Variants in CCSER1 observed in about 807,000 individuals in gnomAD.
CCSER1 encodes the protein serine-rich coiled-coil domain-containing protein 1.
Under a neutral mutation model 82.0 loss-of-function variants are expected in CCSER1, and 41 were observed. That is an observed-to-expected ratio of 0.50 (90% CI 0.39 to 0.65). CCSER1 has a LOEUF of 0.65. Among genes scored for constraint, CCSER1 ranks in the 30% least tolerant of loss-of-function variants. The probability of loss-of-function intolerance (pLI) is 0.00; values close to 1 mark genes in which losing one functional copy is unlikely to be tolerated. For missense variants in CCSER1, 1,119 were observed against 1,064.2 expected, an observed-to-expected ratio of 1.05 and a Z score of -0.72; for synonymous variants, 414 against 383.9, an observed-to-expected ratio of 1.08 and a Z score of -0.92.
chr4:91,452,318 T>C (rs781284794), intron 10 of CCSER1, among the ~76,000 whole-genome samples: 10 of 152,018 alleles, frequency 6.6e-5, no homozygotes, highest in Non-Finnish European at 1.5e-4. Flanking sequence ...GAAAACATTT[T>C]ACAAAATTTT....
intron 5 of CCSER1, among the ~76,000 whole-genome samples, chr4:90,609,744 A>G (rs1785203649): frequency 1.3e-5 from 2 of 152,226 alleles, no homozygotes; most frequent in Non-Finnish European, 2.9e-5. Context: ...AACATTTATG[A>G]ATAAGAGTAG....
chr4:90,508,222 G>A (rs1165653663), intron 5 of CCSER1, among the ~76,000 whole-genome samples: 2 of 152,046 alleles, frequency 1.3e-5, no homozygotes, highest in Non-Finnish European at 2.9e-5. Context: ...TATACAGTGA[G>A]TATAAGAATG....
chr4:91,496,616 A>AATATATATTTAATATATATATATATT (rs1279142591), intron 10 of CCSER1, among the ~76,000 whole-genome samples: 1 of 21,030 alleles, frequency 4.8e-5, no homozygotes, highest in Non-Finnish European at 9.8e-5. Context: ...ATATATATAC[A>AATATATATTTAATATATATATATATT]CGAATATATA....
At chr4:91,367,536 C>T (rs1197143215) in intron 10 of CCSER1, among the ~76,000 whole-genome samples, 2 of 151,152 alleles carry the variant, frequency 1.3e-5, no homozygotes, top group African/African-American at 4.9e-5. Flanking sequence ...TTTCTGGACT[C>T]TCTGGAATTC....
chr4:90,579,029 A>AAGTCAAG lies in CCSER1; in HGVS notation c.1725-48996_1725-48995insAGTCAAG, dbSNP rs60273839. ...TATGTTGTCTATTAAAAAAAGCTTG[A>AAGTCAAG]CTTTTTTTAATCAATAAAATAAATA... On this transcript the variant is annotated intron_variant, in intron 5 of 10. Coordinates refer to ENST00000509176, the MANE Select transcript of CCSER1 (RefSeq NM_001145065.2). Among the ~76,000 whole-genome samples the AAGTCAAG allele has an allele frequency of 2.0e-3, 304 of 151,228 alleles. 1 individual carries two copies. The highest frequency in any genetic ancestry group is 7.3e-3 in the African/African-American group (300 of 41,152).
At chr4:90,561,386 C>A (rs1778742871) in intron 5 of CCSER1, among the ~76,000 whole-genome samples, 1 of 152,158 alleles carries the variant, frequency 6.6e-6, no homozygotes, top group Non-Finnish European at 1.5e-5. Flanking sequence ...TTCGTGACAT[C>A]CCAAGTGTTA....
At position 90,290,738 on chromosome 4, in the gene CCSER1, C is replaced by T. The variant is rs187466062; in HGVS notation, c.-41-17506C>T. 3.3e-5 allele frequency among the ~76,000 whole-genome samples: 5 copies of T among 151,882 alleles called. No homozygotes were observed. In the East Asian group the frequency reaches 7.8e-4, roughly 24 times the overall value. ...CTGTGAACTATAGTGATTGGAAAGT[C>T]GCTTAAAACTTTTCTTGATTACCTA... is the stretch of plus-strand genomic sequence containing the variant. On this transcript the variant is annotated intron_variant, in intron 1 of 10. Coordinates refer to ENST00000509176, the MANE Select transcript of CCSER1 (RefSeq NM_001145065.2).
chr4:91,150,854 C>T (rs1342924437), intron 10 of CCSER1, among the ~76,000 whole-genome samples: 4 of 152,096 alleles, frequency 2.6e-5, no homozygotes, highest in Non-Finnish European at 5.9e-5. Context: ...TTTTGATGTG[C>T]CGCTGGATTT....
At chr4:91,029,100 A>T (rs894823579) in intron 9 of CCSER1, among the ~76,000 whole-genome samples, 9 of 152,056 alleles carry the variant, frequency 5.9e-5, no homozygotes, top group African/African-American at 2.2e-4. Context: ...GAAAAAGAGT[A>T]TAGAGTGATC....
intron 6 of CCSER1, among the ~76,000 whole-genome samples, chr4:90,705,059 G>T (rs1407600533): frequency 2.0e-5 from 3 of 152,196 alleles, no homozygotes; most frequent in African/African-American, 7.2e-5. Flanking sequence ...TTGATTTTTA[G>T]AATTTTCAGC....
intron 1 of CCSER1, among the ~76,000 whole-genome samples, chr4:90,206,282 G>T (rs1175499634): frequency 1.3e-5 from 2 of 152,030 alleles, no homozygotes; most frequent in Non-Finnish European, 2.9e-5. Context: ...TCTTTTAATA[G>T]TGATGTTAGG....
chr4:91,179,025 G>A (rs1163666701), intron 10 of CCSER1, among the ~76,000 whole-genome samples: 1 of 152,146 alleles, frequency 6.6e-6, no homozygotes, highest in East Asian at 1.9e-4. Context: ...GCATTTGCTT[G>A]TCTGTAAAGA....
intron 10 of CCSER1, among the ~76,000 whole-genome samples, chr4:91,104,148 C>A (rs11731562): frequency 0.096 from 14,577 of 152,128 alleles, 940 homozygotes; most frequent in East Asian, 0.27. Context: ...TGCACTTGAA[C>A]CCTGTTTTCT....
At chr4:91,210,649 A>G (rs1736737695) in intron 10 of CCSER1, among the ~76,000 whole-genome samples, 1 of 151,888 alleles carries the variant, frequency 6.6e-6, no homozygotes, top group African/African-American at 2.4e-5. Context: ...AAAATCTTCA[A>G]AAATGTTAAG....
At chr4:90,348,716 A>G (rs1388451967) in intron 3 of CCSER1, among the ~76,000 whole-genome samples, 1 of 152,218 alleles carries the variant, frequency 6.6e-6, no homozygotes, top group African/African-American at 2.4e-5. Context: ...CAGATTAAAA[A>G]AAAGAAAAAA....
intron 1 of CCSER1, among the ~76,000 whole-genome samples, chr4:90,269,219 G>A (rs1406439916): frequency 1.3e-5 from 2 of 152,070 alleles, no homozygotes; most frequent in Non-Finnish European, 1.5e-5. Flanking sequence ...TCATGCAACA[G>A]CTGCAGAGTA....
At chr4:91,014,419 T>C (rs188919445) in intron 9 of CCSER1, among the ~76,000 whole-genome samples, 5 of 134,956 alleles carry the variant, frequency 3.7e-5, no homozygotes, top group African/African-American at 9.9e-5. Context: ...TCACTTTTAC[T>C]GCTTCTACTT....
chr4:90,980,417 G>A (rs1332190242), intron 9 of CCSER1, among the ~76,000 whole-genome samples: 1 of 151,820 alleles, frequency 6.6e-6, no homozygotes, highest in Non-Finnish European at 1.5e-5. Flanking sequence ...CAGAACAAGT[G>A]ATGCCTCATA....
intron 5 of CCSER1, among the ~76,000 whole-genome samples, chr4:90,500,835 A>G (rs1769760286): frequency 6.6e-6 from 1 of 152,148 alleles, no homozygotes; most frequent in Admixed American, 6.6e-5. Context: ...TAGGAAATTA[A>G]CAGTAGCCCT....
Sources: gnomAD v4.1 joint callset for allele counts (sites outside exome capture counted in the v4.1 genomes callset) on GRCh38, gnomAD v4.1.1 for gene constraint, MANE v1.5 for transcripts, NCBI Gene and HGNC (gene_info 2026-07-23, HGNC 2026-07-21) for gene names.